WNT7A: variants seen among roughly 807,000 people sequenced by gnomAD.
WNT7A encodes Wnt family member 7A, also known as protein Wnt-7a.
Under a neutral mutation model 28.2 loss-of-function variants are expected in WNT7A, and 16 were observed. The observed-to-expected ratio is 0.57, with a 90% CI of 0.38 to 0.86. The LOEUF (loss-of-function observed/expected upper bound fraction) is 0.86, where lower values mean the gene tolerates loss of function less well. Ranked by LOEUF, WNT7A falls within the 40% of genes least tolerant of loss-of-function variation. The probability of loss-of-function intolerance (pLI) is 0.00; values close to 1 mark genes in which losing one functional copy is unlikely to be tolerated. For synonymous variants in WNT7A, 190 were observed against 195.9 expected (o/e 0.97, Z 0.25); for missense variants, 411 against 489.7 (o/e 0.84, Z 1.52).
intron 3 of WNT7A, among the ~76,000 whole-genome samples, chr3:13,836,909 A>T (rs1341284822): frequency 6.6e-6 from 1 of 152,228 alleles, no homozygotes; most frequent in Non-Finnish European, 1.5e-5. Flanking sequence ...TTGGTGCAGC[A>T]GTGGCAGCCC....
At chr3:13,864,178 A>G (rs1375490833) in intron 2 of WNT7A, among the ~76,000 whole-genome samples, 1 of 152,162 alleles carries the variant, frequency 6.6e-6, no homozygotes, top group Non-Finnish European at 1.5e-5. Context: ...ATAATGCTGG[A>G]GACATAGCAA....
At chr3:13,869,523 GAGAA>G (rs1459029184) in intron 2 of WNT7A, among the ~76,000 whole-genome samples, 1 of 147,486 alleles carries the variant, frequency 6.8e-6, no homozygotes, top group Non-Finnish European at 1.5e-5. Context: ...GAGAGAGAAA[GAGAA>G]AGAGAGCAAG....
intron 2 of WNT7A, among the ~76,000 whole-genome samples, chr3:13,861,469 G>A (rs982435725): frequency 5.3e-5 from 8 of 152,346 alleles, no homozygotes; most frequent in Admixed American, 3.9e-4. Context: ...CTTTGCCTTC[G>A]TAGAAGGACA....
rs75424830 is a variant in WNT7A at position 13,864,374 on chromosome 3, G to A, written c.299-9571C>T. Among the ~76,000 whole-genome samples, 477 of 151,992 alleles carry A rather than the reference G, an allele frequency of 3.1e-3. 2 individuals carry two copies. Among genetic ancestry groups the A allele is most frequent in the Non-Finnish European group, 5.1e-3 (348 of 67,978 alleles). ...CCTACGCTACGCCCTGCAGTCCCTC[G>A]TGCCAAGCCACTCTGGATCCCAGGG... On this transcript the variant is annotated intron_variant, in intron 2 of 3. Transcript: ENST00000285018.
At position 13,861,501 on chromosome 3, in the gene WNT7A, C is replaced by T. The variant is rs114306603; in HGVS notation, c.299-6698G>A. Among the ~76,000 whole-genome samples the T allele has an allele frequency of 1.2e-3, 188 of 152,346 alleles. 1 individual carries two copies. The highest frequency in any genetic ancestry group is 4.2e-3 in the African/African-American group (173 of 41,586). On this transcript the variant is annotated intron_variant, in intron 2 of 3. Transcript: ENST00000285018. ...GACAGGCAGTAGGATCATGCCACTC[C>T]GTGGCAGCTGAGGACTTTGAAGAAG...
At chr3:13,846,267 C>T (rs929642658) in intron 3 of WNT7A, among the ~76,000 whole-genome samples, 3 of 152,258 alleles carry the variant, frequency 2.0e-5, no homozygotes, top group African/African-American at 4.8e-5. Context: ...CAAATCAGAG[C>T]ATCTGTGAAT....
At chr3:13,873,744 G>A (rs1478605201) in intron 2 of WNT7A, among the ~76,000 whole-genome samples, 3 of 152,158 alleles carry the variant, frequency 2.0e-5, no homozygotes, top group Non-Finnish European at 4.4e-5. Context: ...TTTCGACAAG[G>A]TCGAAAAGGT....
At chr3:13,828,779 G>A (rs980829110) in intron 3 of WNT7A, among the ~76,000 whole-genome samples, 1 of 152,176 alleles carries the variant, frequency 6.6e-6, no homozygotes, top group Non-Finnish European at 1.5e-5. Context: ...TGGACTACTT[G>A]TACCTCAGGT....
intron 3 of WNT7A, among the ~76,000 whole-genome samples, chr3:13,832,446 CCTT>C (rs1394110486): frequency 6.7e-6 from 1 of 149,088 alleles, no homozygotes; most frequent in East Asian, 2.1e-4. Context: ...TCAAGCTTCT[CCTT>C]CTTCCCAAGC....
intron 2 of WNT7A, among the ~76,000 whole-genome samples, chr3:13,867,146 C>T (rs1029724285): frequency 6.6e-6 from 1 of 152,114 alleles, no homozygotes; most frequent in Non-Finnish European, 1.5e-5. Context: ...TCTTACATCC[C>T]GTATCATGTA....
chr3:13,821,068 G>A (rs1398280620), intron 3 of WNT7A, among the ~76,000 whole-genome samples: 1 of 152,220 alleles, frequency 6.6e-6, no homozygotes, highest in East Asian at 1.9e-4. Flanking sequence ...CCCCAACACA[G>A]GTTGTCAGTG....
chr3:13,835,338 A>T (rs1694349715), intron 3 of WNT7A, among the ~76,000 whole-genome samples: 1 of 152,250 alleles, frequency 6.6e-6, no homozygotes, highest in African/African-American at 2.4e-5. Context: ...TCAGTCAGGT[A>T]GAACCAGAGA....
At chr3:13,856,893 A>AAAAAGAAGAAGAAGAAGAAGAAGAAAAAG (rs1559303190) in intron 2 of WNT7A, among the ~76,000 whole-genome samples, 46 of 73,314 alleles carry the variant, frequency 6.3e-4, no homozygotes, top group Non-Finnish European at 1.0e-3. Flanking sequence ...AGAAGAAGAA[A>AAAAAGAAGAAGAAGAAGAAGAAGAAAAAG]AAGAAGAAGA....
intron 3 of WNT7A, among the ~76,000 whole-genome samples, chr3:13,836,841 G>A (rs1694378494): frequency 6.6e-6 from 1 of 152,262 alleles, no homozygotes; most frequent in Admixed American, 6.5e-5. Context: ...CTGAGCAGGA[G>A]TGCAATGCCC....
intron 3 of WNT7A, among the ~76,000 whole-genome samples, chr3:13,852,219 C>T (rs1479258756): frequency 3.9e-5 from 6 of 152,264 alleles, no homozygotes; most frequent in African/African-American, 9.6e-5. Flanking sequence ...CCAGCCTCCC[C>T]GCTTCCCCTT....
At position 13,875,145 on chromosome 3, in the gene WNT7A, C is replaced by T. The variant is rs373890513; in HGVS notation, c.100G>A (p.Ala34Thr). 6.2e-5 allele frequency: 100 copies of T among 1,614,000 alleles called. No individual in the cohort carries two copies. The highest frequency in any genetic ancestry group is 7.6e-5 in the Non-Finnish European group (90 of 1,180,046). Reference protein sequence around the residue: ...GGFSSVVALGASIICNKIPGL... With the variant: ...GGFSSVVALGTSIICNKIPGL... ...GGGATCTTGTTACAGATGATGCTTG[C>T]GCCCAGAGCTACCACTGAGGAGAAG... The change falls in exon 2 of 4, where the codon GCA (alanine) becomes ACA (threonine). Residue 34 changes from alanine (A) to threonine (T), a missense_variant. By Grantham distance (58) the Ala-to-Thr change is moderately conservative. Transcript: ENST00000285018.
chr3:13,831,289 A>G (rs1694277096), intron 3 of WNT7A, among the ~76,000 whole-genome samples: 1 of 152,214 alleles, frequency 6.6e-6, no homozygotes, highest in South Asian at 2.1e-4. Context: ...AGTGCCTGAC[A>G]CGAATGCACA....
chr3:13,834,515 C>T (rs1025912449), intron 3 of WNT7A, among the ~76,000 whole-genome samples: 1 of 151,924 alleles, frequency 6.6e-6, no homozygotes, highest in African/African-American at 2.4e-5. Flanking sequence ...TCCCCTGCTG[C>T]CTCTTTGACT....
intron 2 of WNT7A, among the ~76,000 whole-genome samples, chr3:13,863,380 A>C (rs539119161): frequency 6.6e-6 from 1 of 150,944 alleles, no homozygotes; most frequent in Non-Finnish European, 1.5e-5. Flanking sequence ...GAATGAATGA[A>C]TGTGCATGTG....
Sources: gnomAD v4.1 joint callset for allele counts (sites outside exome capture counted in the v4.1 genomes callset) on GRCh38, gnomAD v4.1.1 for gene constraint, MANE v1.5 for transcripts, NCBI Gene and HGNC (gene_info 2026-07-23, HGNC 2026-07-21) for gene names.